PKHD1L1: variants seen among roughly 807,000 people sequenced by gnomAD.
The protein encoded by PKHD1L1 is fibrocystin-L.
In PKHD1L1, 434 loss-of-function variants were observed where a neutral mutation model predicts 462.9. That is an observed-to-expected ratio of 0.94 (90% confidence interval 0.87 to 1.02). PKHD1L1 has a LOEUF of 1.02. PKHD1L1 is among the 50% of genes least tolerant of loss of function. The pLI, the probability that PKHD1L1 is intolerant of heterozygous loss-of-function variation, is 0.00. For synonymous variants in PKHD1L1, 1,781 were observed against 1,750.0 expected (o/e 1.02, Z -0.44); for missense variants, 5,202 against 5,096.1 (o/e 1.02, Z -0.63).
chr8:109,483,962 T>C (rs1180725419), intron 57 of PKHD1L1, among the ~76,000 whole-genome samples: 2 of 151,778 alleles, frequency 1.3e-5, no homozygotes, highest in African/African-American at 2.4e-5. Flanking sequence ...CATTTTTTAA[T>C]GCCAAGAAAA....
chr8:109,449,239 AACTT>A, intron 39 of PKHD1L1, 95 bp from the exon 40 acceptor site: 2 of 1,198,086 alleles, frequency 1.7e-6, no homozygotes, highest in Non-Finnish European at 2.3e-6. Flanking sequence ...CATTTAATGT[AACTT>A]ACTTTTAACA....
chr8:109,454,802 T>C lies in PKHD1L1; in HGVS notation c.6824T>C (p.Val2275Ala). The C allele has an allele frequency of 6.2e-7, 1 of 1,613,832 alleles. No homozygotes were observed. Among genetic ancestry groups the C allele is most frequent in the South Asian group, 1.1e-5 (1 of 91,064 alleles). ...CACCTGCGATCTCCTGAGCTCCCTG[T>C]CTATGGTGCCAAAACACTGGCTGTG... ...HGHLRSPELP[V>A]YGAKTLAVRE... Residue 2275 changes from valine to alanine, a missense_variant, in exon 45 of 78, where the codon GTC (valine) becomes GCC (alanine). This residue lies in a region of PKHD1L1 where 4,497 missense variants were observed against 4,336.8 expected (regional missense o/e 1.04). Transcript: ENST00000378402.
intron 47 of PKHD1L1, 78 bp downstream of exon 47, chr8:109,459,914 T>C (rs1422553474): frequency 1.6e-6 from 2 of 1,237,308 alleles, no homozygotes. Flanking sequence ...TTGAAATACA[T>C]TATTTCAATG....
chr8:109,522,964 T>C lies in PKHD1L1; in HGVS notation c.12330+74T>C. The stretch of plus-strand genomic sequence containing the variant: ...ATTCTGAAGGATGAGCCAGTTTCAC[T>C]CATCCTGGTGTGCTGGCAGCCTGAG... On this transcript the variant is annotated intron_variant, in intron 75 of 77. Transcript: ENST00000378402. 19 of 1,431,484 alleles carry C rather than the reference T, an allele frequency of 1.3e-5. No individual in the cohort carries two copies. The South Asian group carries it at 2.5e-4, about 19-fold the overall frequency. The allele number at this position is 1,431,484 out of a possible 1,614,324, so 88.7% of individuals were successfully genotyped here.
At position 109,504,494 on chromosome 8, in the gene PKHD1L1, T is replaced by TA. The variant is rs745711313; in HGVS notation, c.10994+6dup. ...ATTTATACATAGGCCTGATATAAGG[T>TA]AAAATACATAAAAATTGTGGTTTTT... On this transcript the variant is annotated splice_region_variant and intron_variant, in intron 68 of 77. Transcript: ENST00000378402. 1 of 1,446,672 alleles carries TA rather than the reference T, an allele frequency of 6.9e-7. No individual in the cohort carries two copies. Among genetic ancestry groups the TA allele is most frequent in the Non-Finnish European group, 9.2e-7 (1 of 1,083,958 alleles). 89.6% of individuals were successfully genotyped at this position (1,446,672 alleles called of 1,614,324 possible).
intron 76 of PKHD1L1, among the ~76,000 whole-genome samples, 162 bp downstream of exon 76, chr8:109,523,548 G>A (rs971761563): frequency 9.9e-5 from 15 of 151,848 alleles, no homozygotes; most frequent in African/African-American, 3.4e-4. Context: ...TCTAGCTTAA[G>A]AATAGATTTC....
intron 14 of PKHD1L1, among the ~76,000 whole-genome samples, chr8:109,403,055 G>C (rs547140279): frequency 1.3e-5 from 2 of 152,174 alleles, no homozygotes; most frequent in Non-Finnish European, 2.9e-5. Context: ...ACTTTGGCTT[G>C]GTTTTGGAAA....
rs1448390142 is a variant in PKHD1L1, at chr8:109,404,224, C to T, written c.1374-330C>T. ...AAAATATTTAACCTCTGCATGTTGT[C>T]TGTGTTATATACCAGGGACAGGGTT... On this transcript the variant is annotated intron_variant, in intron 14 of 77. Coordinates refer to ENST00000378402, the MANE Select transcript of PKHD1L1 (RefSeq NM_177531.6). Among the ~76,000 whole-genome samples, 5 of 152,016 alleles carry T rather than the reference C, an allele frequency of 3.3e-5. No homozygotes were observed. The East Asian group carries it at 7.7e-4, about 23-fold the overall frequency.
chr8:109,389,259 T>C (rs1812590994), intron 8 of PKHD1L1, 107 bp downstream of exon 8: 1 of 779,354 alleles, frequency 1.3e-6, no homozygotes, highest in Non-Finnish European at 2.0e-6. Context: ...ATCAGGTGTT[T>C]TTGTTTGTTT....
chr8:109,481,302 A>T (rs1392479315), intron 55 of PKHD1L1, 131 bp from the exon 56 acceptor site: 1 of 794,030 alleles, frequency 1.3e-6, no homozygotes, highest in Non-Finnish European at 1.9e-6. Flanking sequence ...TCCAGTTATA[A>T]TGCTGTTCTT....
chr8:109,450,515 G>A (rs1191683021), intron 40 of PKHD1L1, among the ~76,000 whole-genome samples: 1 of 152,080 alleles, frequency 6.6e-6, no homozygotes, highest in Non-Finnish European at 1.5e-5. Flanking sequence ...GACTTGTCAA[G>A]GTTTTAGGTT....
At chr8:109,447,035 G>GC (rs1308781273) in intron 38 of PKHD1L1, among the ~76,000 whole-genome samples, 1 of 151,964 alleles carries the variant, frequency 6.6e-6, no homozygotes, top group East Asian at 1.9e-4. Context: ...ATCAGCCTGG[G>GC]CAACATGGTG....
rs17449762 is a variant in PKHD1L1 at position 109,534,153 on chromosome 8, G to A, written c.*4063G>A. 0.56 allele frequency among the ~76,000 whole-genome samples: 84,666 copies of A among 152,130 alleles called. 24,212 individuals are homozygous for A. Among genetic ancestry groups the A allele is most frequent in the East Asian group, 0.66 (3,423 of 5,148 alleles). ...CTTTGAGTTACTACTATACCCTCCCGAATGGAAATGCTTCAACTTTAATCT... is the reference window on the plus strand; with the variant it reads ...CTTTGAGTTACTACTATACCCTCCCAAATGGAAATGCTTCAACTTTAATCT... On this transcript the variant is annotated 3_prime_UTR_variant, in exon 78 of 78. Transcript: ENST00000378402.
chr8:109,488,267 T>C (rs1406305891), intron 59 of PKHD1L1, among the ~76,000 whole-genome samples: 1 of 151,948 alleles, frequency 6.6e-6, no homozygotes, highest in Admixed American at 6.6e-5. Context: ...AGGGAGTTTT[T>C]ATTGTTTTGT....
At position 109,436,469 on chromosome 8, in the gene PKHD1L1, C is replaced by T. The variant is rs764530991; in HGVS notation, c.3627+10C>T. On this transcript the variant is annotated intron_variant, in intron 30 of 77. Transcript: ENST00000378402. Reference sequence around the variant, plus strand: ...CTGCAGGACACCAAAAGTAAGGCCTCTGATTTCAGTCACTTTTTCCTCCTA... The same window carrying T: ...CTGCAGGACACCAAAAGTAAGGCCTTTGATTTCAGTCACTTTTTCCTCCTA... The T allele has an allele frequency of 5.0e-6, 8 of 1,610,722 alleles. No individual in the cohort carries two copies. Among genetic ancestry groups the T allele is most frequent in the Middle Eastern group, 1.6e-4 (1 of 6,074 alleles).
At chr8:109,501,912 G>T (rs1417457723) in intron 67 of PKHD1L1, among the ~76,000 whole-genome samples, 1 of 151,720 alleles carries the variant, frequency 6.6e-6, no homozygotes, top group Non-Finnish European at 1.5e-5. Context: ...TTCCTTCCAG[G>T]CCCCTTACCA....
chr8:109,471,430 C>A (rs1462080426), intron 50 of PKHD1L1, among the ~76,000 whole-genome samples: 10 of 152,128 alleles, frequency 6.6e-5, no homozygotes, highest in Non-Finnish European at 1.0e-4. Flanking sequence ...AGGAAACAGA[C>A]CTTGCCTTGA....
chr8:109,510,542 G>A (rs2130987260), intron 70 of PKHD1L1, among the ~76,000 whole-genome samples: 1 of 152,134 alleles, frequency 6.6e-6, no homozygotes, highest in Admixed American at 6.6e-5. Flanking sequence ...TCTTGCCCTG[G>A]GCAGTGTAAA....
At chr8:109,461,931 C>T in intron 48 of PKHD1L1, 23 bp downstream of exon 48, 1 of 1,581,328 alleles carries the variant, frequency 6.3e-7, no homozygotes, top group South Asian at 1.2e-5. Context: ...ATTACTAAAT[C>T]ACAGTGGTTT....
Sources: gnomAD v4.1 joint callset for allele counts (sites outside exome capture counted in the v4.1 genomes callset) on GRCh38, gnomAD v4.1.1 for gene constraint, gnomAD v4.1.1 regional missense constraint, MANE v1.5 for transcripts, NCBI Gene and HGNC (gene_info 2026-07-23, HGNC 2026-07-21) for gene names.